TENM2: variants seen among roughly 807,000 people sequenced by gnomAD.
The protein encoded by TENM2 is teneurin transmembrane protein 2.
Under a neutral mutation model 245.2 loss-of-function variants are expected in TENM2, and 52 were observed. The ratio of observed to expected loss-of-function variants is 0.21; its 90% confidence interval spans 0.17 to 0.27. The LOEUF (loss-of-function observed/expected upper bound fraction) is 0.27, where lower values mean the gene tolerates loss of function less well. Ranked by LOEUF, TENM2 falls within the 10% of genes least tolerant of loss-of-function variation. The pLI, the probability that TENM2 is intolerant of heterozygous loss-of-function variation, is 1.00. For missense variants in TENM2, 3,046 were observed against 3,666.8 expected (o/e 0.83, Z 4.37); for synonymous variants, 1,363 against 1,438.9 (o/e 0.95, Z 1.19).
chr5:167,283,582 G>T (rs931063325), upstream of TENM2, among the ~76,000 whole-genome samples: 5 of 152,162 alleles, frequency 3.3e-5, no homozygotes, highest in African/African-American at 1.2e-4. Flanking sequence ...AGAGCAGAGG[G>T]GTTCAAAACT....
chr5:167,069,284 T>G, the TENM2 span, among the ~76,000 whole-genome samples: 1 of 152,194 alleles, frequency 6.6e-6, no homozygotes, highest in Non-Finnish European at 1.5e-5. Flanking sequence ...CGCTTTCATT[T>G]GTGGCATTTG....
the TENM2 span, among the ~76,000 whole-genome samples, chr5:167,142,168 A>G: frequency 2.7e-5 from 4 of 150,522 alleles, no homozygotes; most frequent in African/African-American, 7.4e-5. Flanking sequence ...TTCATATAAG[A>G]TTTGTTTCCA....
At chr5:167,286,393 T>G (rs1771348821) in intron 1 of TENM2, among the ~76,000 whole-genome samples, 1 of 152,248 alleles carries the variant, frequency 6.6e-6, no homozygotes, top group East Asian at 1.9e-4. Context: ...GCCTTTGATC[T>G]GTAACTTCAA....
intron 9 of TENM2, among the ~76,000 whole-genome samples, chr5:168,101,644 A>T (rs116363421): frequency 3.3e-5 from 5 of 152,190 alleles, no homozygotes; most frequent in African/African-American, 1.2e-4. Context: ...AAGAGTAGTT[A>T]TTCCTCCATA....
At chr5:167,789,272 T>C (rs1764786133) in intron 2 of TENM2, among the ~76,000 whole-genome samples, 1 of 152,192 alleles carries the variant, frequency 6.6e-6, no homozygotes, top group Non-Finnish European at 1.5e-5. Context: ...AGTAGGGTAA[T>C]GTAACCCTAA....
intron 3 of TENM2, among the ~76,000 whole-genome samples, chr5:167,912,898 C>T (rs774648631): frequency 6.6e-6 from 1 of 152,074 alleles, no homozygotes; most frequent in Non-Finnish European, 1.5e-5. Context: ...CTTGTGCCAG[C>T]CACTGGTACA....
At chr5:167,670,670 G>T (rs888107910) in intron 2 of TENM2, among the ~76,000 whole-genome samples, 3 of 152,126 alleles carry the variant, frequency 2.0e-5, no homozygotes, top group Admixed American at 1.3e-4. Flanking sequence ...CGTTCACAGT[G>T]AGCCTGACTT....
At chr5:167,321,781 G>T (rs1581739237) in intron 1 of TENM2, among the ~76,000 whole-genome samples, 1 of 38,724 alleles carries the variant, frequency 2.6e-5, no homozygotes, top group Non-Finnish European at 4.9e-5. Context: ...TGCTGCCTTG[G>T]CTTATTTTTT....
chr5:168,258,005 G>A (rs1011777189), intron 27 of TENM2, among the ~76,000 whole-genome samples: 2 of 152,094 alleles, frequency 1.3e-5, no homozygotes, highest in East Asian at 1.9e-4. Flanking sequence ...GACATCCCTC[G>A]GGAGGTGCTG....
chr5:167,023,245 C>G, the TENM2 span, among the ~76,000 whole-genome samples: 1 of 152,202 alleles, frequency 6.6e-6, no homozygotes, highest in African/African-American at 2.4e-5. Context: ...CAATTTCCAT[C>G]TTAAAATGTT....
chr5:168,006,559 G>A (rs755666879), intron 5 of TENM2, among the ~76,000 whole-genome samples: 4 of 152,110 alleles, frequency 2.6e-5, no homozygotes, highest in South Asian at 2.1e-4. Flanking sequence ...ACTGGGGCCC[G>A]CTGCCTAGAT....
chr5:168,143,220 C>G (rs757155468), intron 12 of TENM2, among the ~76,000 whole-genome samples: 1 of 150,774 alleles, frequency 6.6e-6, no homozygotes, highest in African/African-American at 2.4e-5. Flanking sequence ...ATATCACCCC[C>G]AACACAGTGA....
At chr5:168,241,519 C>T (rs1384767321) in intron 25 of TENM2, among the ~76,000 whole-genome samples, 1 of 151,866 alleles carries the variant, frequency 6.6e-6, no homozygotes, top group East Asian at 1.9e-4. Flanking sequence ...ATCTCAGCCC[C>T]CTAAAATGTT....
intron 19 of TENM2, among the ~76,000 whole-genome samples, chr5:168,209,415 C>G (rs1166635273): frequency 2.0e-5 from 3 of 152,204 alleles, no homozygotes; most frequent in Admixed American, 2.0e-4. Flanking sequence ...AGGGCAGGAG[C>G]ATTCCTCAAA....
intron 25 of TENM2, among the ~76,000 whole-genome samples, chr5:168,231,814 G>A (rs1052968793): frequency 6.6e-6 from 1 of 152,084 alleles, no homozygotes; most frequent in African/African-American, 2.4e-5. Flanking sequence ...AGCCGACCAT[G>A]GCCTGGCACA....
intron 1 of TENM2, among the ~76,000 whole-genome samples, chr5:167,361,339 A>C (rs1234142826): frequency 6.6e-6 from 1 of 152,130 alleles, no homozygotes; most frequent in African/African-American, 2.4e-5. Context: ...TTCTCCCTCC[A>C]TCTCCAGAAA....
At chr5:167,038,095 G>A in the TENM2 span, among the ~76,000 whole-genome samples, 1 of 152,220 alleles carries the variant, frequency 6.6e-6, no homozygotes, top group Non-Finnish European at 1.5e-5. Flanking sequence ...GATGAAGACT[G>A]AGGGACCTTC....
chr5:168,251,522 A>T (rs1273032594), intron 27 of TENM2, among the ~76,000 whole-genome samples: 1 of 152,190 alleles, frequency 6.6e-6, no homozygotes, highest in African/African-American at 2.4e-5. Flanking sequence ...AAGGAGCCGG[A>T]CCAGGCACAG....
At chr5:167,396,335 T>A (rs1561921887) in intron 2 of TENM2, among the ~76,000 whole-genome samples, 1 of 152,140 alleles carries the variant, frequency 6.6e-6, no homozygotes, top group Non-Finnish European at 1.5e-5. Flanking sequence ...GGGAACATTA[T>A]GTGAAGGGAA....
Sources: allele counts gnomAD v4.1 joint callset (sites outside exome capture counted in the v4.1 genomes callset), GRCh38; gene constraint gnomAD v4.1.1; transcripts MANE v1.5; gene names NCBI Gene and HGNC (gene_info 2026-07-23, HGNC 2026-07-21).